The following PTPRN2 variants were observed in gnomAD, a reference collection of about 807,000 sequenced individuals.
PTPRN2 encodes receptor-type tyrosine-protein phosphatase N2.
PTPRN2 carries 74 observed loss-of-function variants against 118.8 expected under a neutral mutation model. The ratio of observed to expected loss-of-function variants is 0.62; its 90% confidence interval spans 0.52 to 0.76. The LOEUF (loss-of-function observed/expected upper bound fraction) is 0.76, where lower values mean the gene tolerates loss of function less well. PTPRN2 is among the 30% of genes least tolerant of loss of function. PTPRN2 has a pLI of 0.00. For synonymous variants in PTPRN2, 641 were observed against 608.0 expected, an observed-to-expected ratio of 1.05 and a Z score of -0.80; for missense variants, 1,481 against 1,394.4, an observed-to-expected ratio of 1.06 and a Z score of -0.99.
intron 12 of PTPRN2, among the ~76,000 whole-genome samples, chr7:157,799,923 G>A (rs1449459233): frequency 2.8e-5 from 4 of 143,470 alleles, no homozygotes; most frequent in Non-Finnish European, 6.1e-5. Flanking sequence ...CACCACAGCC[G>A]GCCCCCTCCA....
At chr7:158,189,012 G>A (rs1825539003) in intron 5 of PTPRN2, among the ~76,000 whole-genome samples, 2 of 152,174 alleles carry the variant, frequency 1.3e-5, no homozygotes. Context: ...AAGGCATCCT[G>A]TCTCTGGCAG....
intron 3 of PTPRN2, among the ~76,000 whole-genome samples, chr7:158,298,228 G>A (rs553106849): frequency 1.2e-4 from 19 of 152,058 alleles, no homozygotes; most frequent in African/African-American, 4.1e-4. Context: ...AGTATTTTCT[G>A]CTCTTGTCTT....
At chr7:158,009,059 T>A (rs991779809) in intron 11 of PTPRN2, among the ~76,000 whole-genome samples, 1 of 152,076 alleles carries the variant, frequency 6.6e-6, no homozygotes, top group African/African-American at 2.4e-5. Context: ...TGTGATCAGT[T>A]CCACCAGGCA....
intron 12 of PTPRN2, among the ~76,000 whole-genome samples, chr7:157,738,610 G>T (rs56202746): frequency 0.12 from 18,826 of 152,170 alleles, 1,560 homozygotes; most frequent in Non-Finnish European, 0.18. Context: ...TTTTCATTTT[G>T]AATAAAATCA....
At chr7:157,558,654 G>A (rs142367384) in intron 21 of PTPRN2, among the ~76,000 whole-genome samples, 1,556 of 152,336 alleles carry the variant, frequency 0.01, 25 homozygotes, top group African/African-American at 0.035. Flanking sequence ...GCGGGGATGC[G>A]TGAAGCATGC....
At chr7:158,359,789 C>T (rs957909230) in intron 2 of PTPRN2, among the ~76,000 whole-genome samples, 1 of 152,126 alleles carries the variant, frequency 6.6e-6, no homozygotes, top group Non-Finnish European at 1.5e-5. Context: ...AGAATGGCAG[C>T]CCAAGCGAGA....
chr7:157,916,850 A>G (rs1215232618), intron 11 of PTPRN2, among the ~76,000 whole-genome samples: 9 of 131,388 alleles, frequency 6.8e-5, no homozygotes, highest in East Asian at 2.2e-4. Context: ...CGGCCACTCC[A>G]GGACACGTCC....
At chr7:158,150,011 T>C (rs1024138079) in intron 6 of PTPRN2, among the ~76,000 whole-genome samples, 1 of 152,160 alleles carries the variant, frequency 6.6e-6, no homozygotes, top group Non-Finnish European at 1.5e-5. Context: ...TACAGACACA[T>C]CAGATTTAGG....
chr7:158,369,974 T>A (rs1563209864), intron 2 of PTPRN2, among the ~76,000 whole-genome samples: 1 of 152,104 alleles, frequency 6.6e-6, no homozygotes, highest in Non-Finnish European at 1.5e-5. Context: ...GGAGGCCCAG[T>A]CAGAAACACC....
At chr7:157,612,515 C>T (rs949451060) in intron 15 of PTPRN2, among the ~76,000 whole-genome samples, 14 of 152,228 alleles carry the variant, frequency 9.2e-5, no homozygotes, top group African/African-American at 3.4e-4. Context: ...ACCAGAAGAA[C>T]AGCTCTGGCT....
chr7:157,544,893 G>A (rs949000359), intron 22 of PTPRN2, among the ~76,000 whole-genome samples: 9 of 145,070 alleles, frequency 6.2e-5, no homozygotes, highest in Non-Finnish European at 1.3e-4. Flanking sequence ...TGGGTGTGTA[G>A]GTGTGTGTGG....
intron 3 of PTPRN2, among the ~76,000 whole-genome samples, chr7:158,263,102 G>GCA (rs375210924): frequency 2.9e-5 from 3 of 102,078 alleles, no homozygotes; most frequent in African/African-American, 1.3e-4. Flanking sequence ...TTCACACACT[G>GCA]CACACACACA....
In PTPRN2 at chr7:157,794,603, G is replaced by A. The variant is rs563238598; in HGVS notation, c.1788+104070C>T. 5.3e-5 allele frequency among the ~76,000 whole-genome samples: 8 copies of A among 152,252 alleles called. No individual in the cohort carries two copies. The highest frequency in any genetic ancestry group is 2.1e-4 in the South Asian group (1 of 4,816). ...AATGTGGGGATTTCATTTCTTCATC[G>A]CCTCTGTGAACACCCACTAAAACCG... On this transcript the variant is annotated intron_variant, in intron 12 of 22. Coordinates refer to ENST00000389418, the MANE Select transcript of PTPRN2 (RefSeq NM_002847.5). This position sits in a 1 kb window ranked among gnomAD's most constrained non-coding sequence, Gnocchi z 5.2.
chr7:158,035,175 A>T (rs1028551673), intron 11 of PTPRN2, among the ~76,000 whole-genome samples: 5 of 152,252 alleles, frequency 3.3e-5, no homozygotes, highest in Non-Finnish European at 7.3e-5. Flanking sequence ...ACGCATCAGC[A>T]TGACAATATA....
At chr7:158,247,247 C>G (rs1268873638) in intron 3 of PTPRN2, among the ~76,000 whole-genome samples, 2 of 152,202 alleles carry the variant, frequency 1.3e-5, no homozygotes, top group East Asian at 3.9e-4. Flanking sequence ...GAGACGCCCC[C>G]TGGCCAAGAG....
chr7:157,551,522 TCACACACCCCACACACCCCACAGCCAC>T (rs1352843911), intron 21 of PTPRN2, among the ~76,000 whole-genome samples: 3 of 95,272 alleles, frequency 3.1e-5, no homozygotes. Flanking sequence ...CACCCCACTA[TCACACACCCCACACACCCCACAGCCAC>T]CACACACCCC....
intron 2 of PTPRN2, among the ~76,000 whole-genome samples, chr7:158,401,041 C>T (rs193192422): frequency 8.5e-5 from 13 of 152,258 alleles, no homozygotes; most frequent in African/African-American, 2.9e-4. Flanking sequence ...ACCCAGGAAC[C>T]GACACGCACG....
At chr7:158,215,203 G>A (rs1827872270) in intron 3 of PTPRN2, among the ~76,000 whole-genome samples, 2 of 152,098 alleles carry the variant, frequency 1.3e-5, no homozygotes, top group Non-Finnish European at 1.5e-5. Context: ...TATTATTACT[G>A]AAAGATACAA....
intron 12 of PTPRN2, among the ~76,000 whole-genome samples, chr7:157,696,384 A>G (rs1473906681): frequency 1.5e-5 from 2 of 130,824 alleles, no homozygotes; most frequent in African/African-American, 3.0e-5. Context: ...AGCCCTCACC[A>G]TCTACCCATG....
Sources: allele counts gnomAD v4.1 joint callset (sites outside exome capture counted in the v4.1 genomes callset), GRCh38; gene constraint gnomAD v4.1.1; non-coding constraint Gnocchi (gnomAD v3.1); transcripts MANE v1.5; gene names NCBI Gene and HGNC (gene_info 2026-07-23, HGNC 2026-07-21).